The following STIMATE variants were observed in gnomAD, a reference collection of about 807,000 sequenced individuals.
STIMATE encodes store-operated calcium entry regulator STIMATE.
Under a neutral mutation model 36.7 loss-of-function variants are expected in STIMATE, and 15 were observed. The observed-to-expected ratio is 0.41, with a 90% CI of 0.27 to 0.63. STIMATE has a LOEUF of 0.63. Ranked by LOEUF, STIMATE falls within the 20% of genes least tolerant of loss-of-function variation. STIMATE has a pLI of 0.32. For missense variants in STIMATE, 305 were observed against 397.3 expected, an observed-to-expected ratio of 0.77 and a Z score of 1.98; for synonymous variants, 163 against 162.3, an observed-to-expected ratio of 1.00 and a Z score of -0.03.
At chr3:52,864,572 C>T (rs1701271593) in intron 1 of STIMATE, among the ~76,000 whole-genome samples, 1 of 152,178 alleles carries the variant, frequency 6.6e-6, no homozygotes, top group Non-Finnish European at 1.5e-5. Flanking sequence ...ATTTCTGCAG[C>T]CAGCTTTTAT....
intron 1 of STIMATE, among the ~76,000 whole-genome samples, chr3:52,882,527 T>C (rs1701622841): frequency 6.6e-6 from 1 of 152,182 alleles, no homozygotes; most frequent in South Asian, 2.1e-4. Flanking sequence ...GCTGCTGCTT[T>C]GCTTTCAAAT....
intron 1 of STIMATE, among the ~76,000 whole-genome samples, chr3:52,876,467 C>T (rs570428531): frequency 6.6e-6 from 1 of 152,190 alleles, no homozygotes; most frequent in African/African-American, 2.4e-5. Context: ...CTACAGTTGG[C>T]CCTTGAAGAA....
At chr3:52,855,893 G>A (rs1311451516) in intron 1 of STIMATE, among the ~76,000 whole-genome samples, 1 of 152,236 alleles carries the variant, frequency 6.6e-6, no homozygotes, top group East Asian at 1.9e-4. Context: ...CAGGGGGCTA[G>A]ACACGTACAT....
rs1225053927 is a variant in STIMATE at position 52,895,842 on chromosome 3, G to A, written c.160+1449C>T. On this transcript the variant is annotated intron_variant, in intron 1 of 7. Transcript: ENST00000355083. ...AGAGAGAAAGGAAGGCTGTCTGGAG[G>A]ACAGAGAAGTAGGAGGGGTATGAAG... 8 of 1,261,248 alleles carry A rather than the reference G, an allele frequency of 6.3e-6. No homozygotes were observed. In the East Asian group the frequency reaches 2.3e-4, roughly 36 times the overall value. 78.1% of individuals were successfully genotyped at this position (1,261,248 alleles called of 1,614,324 possible).
chr3:52,842,843 T>A lies in STIMATE; in HGVS notation c.736A>T (p.Arg246Trp), dbSNP rs750177751. ...SRNGSKVRYR[R>W]AASHEESESE... ...TCAGACTCCTCGTGGGATGCGGCCC[T>A]CCGGTAGCGGACCTTGCTCCCATTC... Residue 246 changes from arginine to tryptophan, a missense_variant, in exon 7 of 8, where the codon AGG becomes TGG. Coordinates refer to ENST00000355083, the MANE Select transcript of STIMATE (RefSeq NM_198563.5). The A allele has an allele frequency of 3.7e-6, 6 of 1,614,238 alleles. No homozygotes were observed. The Admixed American group carries it at 1.0e-4, about 27-fold the overall frequency.
At position 52,840,435 on chromosome 3, in the gene STIMATE, T is replaced by C; in HGVS notation, c.*59A>G. The C allele has an allele frequency of 1.3e-6, 2 of 1,568,098 alleles. No homozygotes were observed. The highest frequency in any genetic ancestry group is 1.7e-6 in the Non-Finnish European group (2 of 1,144,988). On this transcript the variant is annotated 3_prime_UTR_variant, in exon 8 of 8. Transcript: ENST00000355083. Reference sequence around the variant, plus strand: ...GAGGGTAAGGAACGATGCTGCGGGATGACCTCTGCACACCAGCGGCTGGCG... The same window carrying C: ...GAGGGTAAGGAACGATGCTGCGGGACGACCTCTGCACACCAGCGGCTGGCG...
At chr3:52,895,831 G>A in intron 1 of STIMATE, 2 of 1,222,864 alleles carry the variant, frequency 1.6e-6, no homozygotes, top group Non-Finnish European at 2.1e-6. Flanking sequence ...AGAAAGGAAG[G>A]CTGTCTGGAG....
In STIMATE at chr3:52,839,453, A is replaced by T. The variant is rs935494253; in HGVS notation, c.*1041T>A. 6.6e-6 allele frequency: 1 copy of T among 152,238 alleles called. No homozygotes were observed. The highest frequency in any genetic ancestry group is 1.5e-5 in the Non-Finnish European group (1 of 68,048). 9.4% of individuals were successfully genotyped at this position (152,238 alleles called of 1,614,324 possible). On this transcript the variant is annotated 3_prime_UTR_variant, in exon 8 of 8. Transcript: ENST00000355083. ...CAGGCAGACTGCACAGGAGTCTGGT[A>T]GTCTTGGGTCCTCTGGAAACAAAGA...
In STIMATE at chr3:52,897,384, C is replaced by G. The variant is rs2106745454; in HGVS notation, c.67G>C (p.Gly23Arg). 2 of 1,515,038 alleles carry G rather than the reference C, an allele frequency of 1.3e-6. No homozygotes were observed. The highest frequency in any genetic ancestry group is 1.4e-5 in the African/African-American group (1 of 70,008). 93.8% of individuals were successfully genotyped at this position (1,515,038 alleles called of 1,614,324 possible). A position where few individuals can be genotyped will look rare whatever the true frequency, so the allele number is the denominator to read the frequency against. Residue 23 changes from glycine (G) to arginine (R), a missense_variant, in exon 1 of 8, where the codon GGG becomes CGG. Physicochemically the swap from Gly to Arg is moderately radical, Grantham distance 125 (BLOSUM62 -2). Coordinates refer to ENST00000355083, the MANE Select transcript of STIMATE (RefSeq NM_198563.5). ...PGGPPSTVASGAGRCESGALM... is the reference protein window; with the variant it reads ...PGGPPSTVASRAGRCESGALM... ...GCGCCGCTCTCGCAGCGGCCCGCCC[C>G]GGACGCGACTGTGGAGGGCGGCCCG...
chr3:52,880,814 A>T (rs1388431065), intron 1 of STIMATE, among the ~76,000 whole-genome samples: 1 of 152,222 alleles, frequency 6.6e-6, no homozygotes, highest in African/African-American at 2.4e-5. Flanking sequence ...GGCTCACTAT[A>T]TAACAAAAAT....
chr3:52,846,714 C>A (rs4234637), intron 4 of STIMATE, among the ~76,000 whole-genome samples: 135,503 of 152,212 alleles, frequency 0.89, 62,214 homozygotes, highest in Non-Finnish European at 1. Context: ...AGAAAAAGCA[C>A]CTGTGACCCC....
intron 3 of STIMATE, among the ~76,000 whole-genome samples, chr3:52,851,246 C>T (rs1177612858): frequency 6.6e-6 from 1 of 152,246 alleles, no homozygotes; most frequent in Non-Finnish European, 1.5e-5. Flanking sequence ...CTGCTGACCA[C>T]AAGCTCCAGC....
chr3:52,852,497 C>G, intron 3 of STIMATE, 106 bp downstream of exon 3: 1 of 1,402,142 alleles, frequency 7.1e-7, no homozygotes, highest in African/African-American at 1.4e-5. Flanking sequence ...AGGGGAGCAC[C>G]CTCTCCCCAA....
rs369451800 is a variant in STIMATE, at chr3:52,853,543, T to A, written c.210-845A>T. Among the ~76,000 whole-genome samples the A allele has an allele frequency of 1.5e-3, 232 of 152,206 alleles. 3 individuals carry two copies. The South Asian group carries it at 0.045, about 30-fold the overall frequency. The stretch of plus-strand genomic sequence containing the variant: ...CAGGGTCTCAGGACTGCAGAGATTA[T>A]CCAGACCAACCCAGCGACGGTGGCT... On this transcript the variant is annotated intron_variant, in intron 2 of 7. Coordinates refer to ENST00000355083, the MANE Select transcript of STIMATE (RefSeq NM_198563.5).
intron 1 of STIMATE, among the ~76,000 whole-genome samples, chr3:52,885,128 G>A (rs1701669829): frequency 6.6e-6 from 1 of 152,052 alleles, no homozygotes; most frequent in African/African-American, 2.4e-5. Flanking sequence ...GTATATATTG[G>A]TATCTCATCA....
At chr3:52,867,388 T>C (rs1272685993) in intron 1 of STIMATE, among the ~76,000 whole-genome samples, 1 of 152,198 alleles carries the variant, frequency 6.6e-6, no homozygotes, top group Non-Finnish European at 1.5e-5. Flanking sequence ...CTGGTCCTTG[T>C]GTGAGACGTT....
chr3:52,867,347 A>G (rs1249355070), intron 1 of STIMATE, among the ~76,000 whole-genome samples: 1 of 152,248 alleles, frequency 6.6e-6, no homozygotes, highest in African/African-American at 2.4e-5. Context: ...TCTCCCTCAC[A>G]GACAGCAGGA....
intron 1 of STIMATE, among the ~76,000 whole-genome samples, chr3:52,876,735 CCATATATAATA>C (rs1701508130): frequency 6.6e-6 from 1 of 152,036 alleles, no homozygotes; most frequent in South Asian, 2.1e-4. Flanking sequence ...TGTAAGAATA[CCATATATAATA>C]CATATATAAA....
rs571392682 is a variant in STIMATE, at chr3:52,852,628, G to T, written c.280C>A (p.Leu94Ile). ...AGTGAACAAGGGTCCTCTTCAGTGA[G>T]ATCTGCTAGGTATACATTTGCAAAG... ...IHFANVYLAD[L>I]TEEDPCSLYL... Residue 94 changes from leucine (L) to isoleucine (I), a missense_variant, in exon 3 of 8, where the codon CTC becomes ATC. Transcript: ENST00000355083. The T allele has an allele frequency of 2.5e-5, 41 of 1,614,066 alleles. No homozygotes were observed. Among genetic ancestry groups the T allele is most frequent in the Non-Finnish European group, 3.4e-5 (40 of 1,180,028 alleles).
Sources: gnomAD v4.1 joint callset for allele counts (sites outside exome capture counted in the v4.1 genomes callset) on GRCh38, gnomAD v4.1.1 for gene constraint, MANE v1.5 for transcripts, NCBI Gene and HGNC (gene_info 2026-07-23, HGNC 2026-07-21) for gene names.